The following TGFBI variants were observed in gnomAD, a reference collection of about 807,000 sequenced individuals.
TGFBI encodes the protein transforming growth factor-beta-induced protein ig-h3.
In TGFBI, 50 loss-of-function variants were observed where a neutral mutation model predicts 73.7. The ratio of observed to expected loss-of-function variants is 0.68; its 90% CI spans 0.54 to 0.86. TGFBI has a LOEUF of 0.86. TGFBI is among the 40% of genes least tolerant of loss of function. The pLI is 0.00. For missense variants in TGFBI, 839 were observed against 877.0 expected (o/e 0.96, Z 0.55); for synonymous variants, 362 against 360.5 (o/e 1.00, Z -0.05).
At position 136,049,479 on chromosome 5, in the gene TGFBI, G is replaced by T. The variant is rs753586534; in HGVS notation, c.812G>T (p.Gly271Val). Residue 271 changes from glycine to valine, a missense_variant, in exon 7 of 17, where the codon GGT (glycine) becomes GTT (valine). Transcript: ENST00000442011. The stretch of plus-strand genomic sequence containing the variant: ...TCAGGGCTCAACACGATGCTTGAAG[G>T]TAACGGCCAGTACACGCTTTTGGCC... ...AASGLNTMLE[G>V]NGQYTLLAPT... The T allele has an allele frequency of 1.2e-6, 2 of 1,613,896 alleles. No homozygotes were observed. Among genetic ancestry groups the T allele is most frequent in the African/African-American group, 2.7e-5 (2 of 74,918 alleles).
rs1263847977 is a variant in TGFBI at position 136,063,343 on chromosome 5, C to T, written c.*117C>T. 3 of 908,988 alleles carry T rather than the reference C, an allele frequency of 3.3e-6. No homozygotes were observed. Among genetic ancestry groups the T allele is most frequent in the Admixed American group, 2.0e-5 (1 of 49,694 alleles). 56.3% of individuals were successfully genotyped at this position (908,988 alleles called of 1,614,324 possible). Reference sequence around the variant, plus strand: ...AGTATCACACTTTAATGTACATGGGCCGCACCATAATGAGATGTGAGCCTT... The same window carrying T: ...AGTATCACACTTTAATGTACATGGGTCGCACCATAATGAGATGTGAGCCTT... On this transcript the variant is annotated 3_prime_UTR_variant, in exon 17 of 17. Coordinates refer to ENST00000442011, the MANE Select transcript of TGFBI (RefSeq NM_000358.3).
At chr5:136,061,433 A>G (rs1479902708) in intron 14 of TGFBI, 67 bp from the exon 15 acceptor site, 2 of 1,189,686 alleles carry the variant, frequency 1.7e-6, no homozygotes, top group Non-Finnish European at 2.4e-6. Context: ...CCCCTCAGTC[A>G]CGGTTGTTAT....
At chr5:136,047,250 C>G in intron 5 of TGFBI, 24 bp from the exon 6 acceptor site, 2 of 1,612,412 alleles carry the variant, frequency 1.2e-6, no homozygotes, top group Non-Finnish European at 1.7e-6. Context: ...GTTGACTGCT[C>G]ATCCTTGCTG....
Position 136,029,155 on chromosome 5 carries a change from C to T in TGFBI, c.100C>T (p.Leu34=), listed in dbSNP as rs6866553. ...GPAKSPYQLV[L]QHSRLRGRQH... ...CGCCAAGTCGCCCTACCAGCTGGTG[C>T]TGCAGCACAGCAGGCTCCGGGGCCG... The change falls in exon 1 of 17, where the codon CTG becomes TTG. Residue 34 remains leucine (L), a synonymous_variant. Coordinates refer to ENST00000442011, the MANE Select transcript of TGFBI (RefSeq NM_000358.3). 6.6e-7 allele frequency: 1 copy of T among 1,522,138 alleles called. No homozygotes were observed. Among genetic ancestry groups the T allele is most frequent in the Admixed American group, 2.0e-5 (1 of 50,358 alleles). 94.3% of individuals were successfully genotyped at this position (1,522,138 alleles called of 1,614,324 possible).
chr5:136,035,042 A>T (rs1580708546), intron 2 of TGFBI, among the ~76,000 whole-genome samples: 1 of 152,346 alleles, frequency 6.6e-6, no homozygotes, highest in East Asian at 1.9e-4. Context: ...GACCCTGATT[A>T]TGTTAGGCAA....
At chr5:136,059,713 G>A (rs182333504) in intron 13 of TGFBI, among the ~76,000 whole-genome samples, 8 of 152,224 alleles carry the variant, frequency 5.3e-5, no homozygotes, top group Middle Eastern at 3.4e-3. Context: ...ATAGCCAGCC[G>A]AGCTCCAGAA....
intron 6 of TGFBI, chr5:136,048,253 G>A (rs1751469950): frequency 6.6e-6 from 1 of 152,256 alleles, no homozygotes; most frequent in South Asian, 2.1e-4. Flanking sequence ...TTGCTCGAAG[G>A]ACGGGGGTCT....
In TGFBI at chr5:136,060,404, C is replaced by A. The variant is rs116415474; in HGVS notation, c.1804-430C>A. ...AGAGTATCCCCAGTCTAACACAGGACTTGGCATATGAAAAGTGTTCAGTAG... is the reference window on the plus strand; with the variant it reads ...AGAGTATCCCCAGTCTAACACAGGAATTGGCATATGAAAAGTGTTCAGTAG... On this transcript the variant is annotated intron_variant, in intron 13 of 16. Transcript: ENST00000442011. Among the ~76,000 whole-genome samples the A allele has an allele frequency of 6.1e-3, 929 of 152,314 alleles. 9 individuals are homozygous for A. The highest frequency in any genetic ancestry group is 8.7e-3 in the Non-Finnish European group (589 of 68,026).
Position 136,059,147 on chromosome 5 carries a change from T to C in TGFBI, c.1736T>C (p.Val579Ala), listed in dbSNP as rs1751701680. ...TACCACATTGGTGATGAAATCCTGG[T>C]TAGCGGAGGCATCGGGGCCCTGGTG... ...LKYHIGDEIL[V>A]SGGIGALVRL... Residue 579 changes from valine (V) to alanine (A), a missense_variant, in exon 13 of 17, where the codon GTT becomes GCT. By Grantham distance (64) the Val-to-Ala change is moderately conservative (BLOSUM62 0). Coordinates refer to ENST00000442011, the MANE Select transcript of TGFBI (RefSeq NM_000358.3). 15 of 1,611,546 alleles carry C rather than the reference T, an allele frequency of 9.3e-6. No individual in the cohort carries two copies. The highest frequency in any genetic ancestry group is 1.0e-5 in the Non-Finnish European group (12 of 1,179,084).
At chr5:136,060,586 T>C (rs1223867329) in intron 13 of TGFBI, among the ~76,000 whole-genome samples, 1 of 152,170 alleles carries the variant, frequency 6.6e-6, no homozygotes, top group Non-Finnish European at 1.5e-5. Flanking sequence ...GGCACATGCC[T>C]GTAATCACAG....
At chr5:136,062,115 G>T (rs1274642391) in intron 15 of TGFBI, among the ~76,000 whole-genome samples, 2 of 151,968 alleles carry the variant, frequency 1.3e-5, no homozygotes, top group Non-Finnish European at 2.9e-5. Flanking sequence ...CTCTTTCTGA[G>T]CTTCCTTTCC....
intron 6 of TGFBI, 38 bp downstream of exon 6, chr5:136,047,458 C>T (rs750182449): frequency 4.3e-6 from 7 of 1,611,404 alleles, no homozygotes; most frequent in Non-Finnish European, 5.9e-6. Flanking sequence ...AGGCTTGGGA[C>T]ACATTGCCTC....
In TGFBI at chr5:136,041,987, G is replaced by A. The variant is rs551260846; in HGVS notation, c.234-2071G>A. Among the ~76,000 whole-genome samples, 62 of 152,306 alleles carry A rather than the reference G, an allele frequency of 4.1e-4. 1 individual carries two copies. The highest frequency in any genetic ancestry group is 1.2e-4 in the Non-Finnish European group (8 of 68,024). On this transcript the variant is annotated intron_variant, in intron 2 of 16. Coordinates refer to ENST00000442011, the MANE Select transcript of TGFBI (RefSeq NM_000358.3). ...AGTACTGCACCCGTGTGCACAGGGG[G>A]CCCTGACATGAGGACTTTGAGGATA... is the stretch of plus-strand genomic sequence containing the variant.
intron 3 of TGFBI, 36 bp downstream of exon 3, chr5:136,044,158 G>A (rs1751385989): frequency 1.9e-6 from 3 of 1,575,164 alleles, no homozygotes; most frequent in South Asian, 2.2e-5. Context: ...TGTTGGTGTG[G>A]GTGGAAGGGA....
At position 136,062,649 on chromosome 5, in the gene TGFBI, G is replaced by T; in HGVS notation, c.1987-14G>T. On this transcript the variant is annotated splice_polypyrimidine_tract_variant and intron_variant, in intron 15 of 16. Coordinates refer to ENST00000442011, the MANE Select transcript of TGFBI (RefSeq NM_000358.3). ...CTTTCACTAGAAAACCTGACACCTT[G>T]TGTTTTCTTTCAGGCTTCCCAGAGG... The T allele has an allele frequency of 6.4e-7, 1 of 1,561,440 alleles. No homozygotes were observed. Among genetic ancestry groups the T allele is most frequent in the Admixed American group, 1.9e-5 (1 of 52,458 alleles).
intron 1 of TGFBI, among the ~76,000 whole-genome samples, chr5:136,032,822 G>T (rs1305480009): frequency 6.6e-6 from 1 of 151,986 alleles, no homozygotes; most frequent in Non-Finnish European, 1.5e-5. Flanking sequence ...CAATCACCTG[G>T]CCTGAGCACA....
At chr5:136,052,832 TG>T in intron 7 of TGFBI, 74 bp from the exon 8 acceptor site, 1 of 1,418,940 alleles carries the variant, frequency 7.0e-7, no homozygotes, top group East Asian at 2.3e-5. Context: ...CCTCACAGCA[TG>T]GGCAGGCTGC....
intron 3 of TGFBI, among the ~76,000 whole-genome samples, chr5:136,045,522 G>A (rs1328483496): frequency 6.6e-6 from 1 of 152,036 alleles, no homozygotes; most frequent in East Asian, 1.9e-4. Flanking sequence ...TCCAGCCTGG[G>A]CAAGAAGAGC....
At chr5:136,049,290 T>G in intron 6 of TGFBI, 149 bp from the exon 7 acceptor site, 1 of 1,065,296 alleles carries the variant, frequency 9.4e-7, no homozygotes, top group Non-Finnish European at 1.3e-6. Context: ...GCCATGGTCA[T>G]GGGTGAGCTT....
Sources: allele counts gnomAD v4.1 joint callset (sites outside exome capture counted in the v4.1 genomes callset), GRCh38; gene constraint gnomAD v4.1.1; transcripts MANE v1.5; gene names NCBI Gene and HGNC (gene_info 2026-07-23, HGNC 2026-07-21).